Variants in CASZ1 observed in about 807,000 individuals in gnomAD.
The protein encoded by CASZ1 is zinc finger protein castor homolog 1.
CASZ1 carries 28 observed loss-of-function variants against 135.2 expected under a neutral mutation model. The ratio of observed to expected loss-of-function variants is 0.21; its 90% CI spans 0.15 to 0.28. The LOEUF is 0.28. Among genes scored for constraint, CASZ1 ranks in the 10% least tolerant of loss-of-function variants. The pLI is 1.00. For synonymous variants in CASZ1, 1,068 were observed against 1,073.4 expected, an observed-to-expected ratio of 0.99 and a Z score of 0.10; for missense variants, 2,161 against 2,453.3, an observed-to-expected ratio of 0.88 and a Z score of 2.52.
chr1:10,749,899 T>C (rs2100553167), intron 2 of CASZ1, among the ~76,000 whole-genome samples: 1 of 152,276 alleles, frequency 6.6e-6, no homozygotes, highest in Non-Finnish European at 1.5e-5. Context: ...GTTGCTCCAA[T>C]TGGAAGCACA....
chr1:10,689,212 G>T (rs1172395935), intron 4 of CASZ1, among the ~76,000 whole-genome samples: 1 of 152,234 alleles, frequency 6.6e-6, no homozygotes, highest in African/African-American at 2.4e-5. Flanking sequence ...GACCCAGGAA[G>T]AAGAGGAGTT....
intron 1 of CASZ1, among the ~76,000 whole-genome samples, chr1:10,768,530 T>C (rs1640519325): frequency 6.6e-6 from 1 of 152,164 alleles, no homozygotes; most frequent in Non-Finnish European, 1.5e-5. Context: ...TTGTTCATTT[T>C]TACTCCCTCA....
chr1:10,748,701 C>T (rs78384068), intron 2 of CASZ1, among the ~76,000 whole-genome samples: 2 of 152,146 alleles, frequency 1.3e-5, no homozygotes, highest in African/African-American at 4.8e-5. Flanking sequence ...GCTTGCTCCT[C>T]GTCTGGGGTC....
intron 1 of CASZ1, among the ~76,000 whole-genome samples, chr1:10,768,122 G>A (rs6668047): frequency 0.56 from 84,658 of 152,124 alleles, 26,950 homozygotes; most frequent in Non-Finnish European, 0.74. Context: ...GAGGCAGGCC[G>A]CCCTGATCTC....
chr1:10,791,081 C>CA (rs61062042), intron 1 of CASZ1, among the ~76,000 whole-genome samples: 10,747 of 121,072 alleles, frequency 0.089, 1,275 homozygotes, highest in African/African-American at 0.27. Flanking sequence ...CTCTTCCCAT[C>CA]AAAAAAAAAA....
chr1:10,787,809 C>T (rs1570593652), intron 1 of CASZ1, among the ~76,000 whole-genome samples: 2 of 152,156 alleles, frequency 1.3e-5, no homozygotes, highest in African/African-American at 4.8e-5. Flanking sequence ...CAGAATCCAC[C>T]CGCCATTAAC....
rs953252319 is a variant in CASZ1 at position 10,717,971 on chromosome 1, G to A, written c.-76-12427C>T. ...ACCAAAGCGGGTGCAGGGACGGGCC[G>A]AGGGGGCTACGGAGGCCCATTCAAC... On this transcript the variant is annotated intron_variant, in intron 2 of 20. Transcript: ENST00000377022. The surrounding 1 kb of genome is among the most constrained non-coding windows in gnomAD (Gnocchi z 4.6). 1.3e-5 allele frequency among the ~76,000 whole-genome samples: 2 copies of A among 152,382 alleles called. No individual in the cohort carries two copies. The highest frequency in any genetic ancestry group is 2.1e-4 in the South Asian group (1 of 4,830).
At chr1:10,712,967 C>G (rs1454278293) in intron 2 of CASZ1, among the ~76,000 whole-genome samples, 1 of 152,222 alleles carries the variant, frequency 6.6e-6, no homozygotes, top group African/African-American at 2.4e-5. Flanking sequence ...AGCCCCACCT[C>G]GAAGGGAAAG....
Position 10,741,220 on chromosome 1 carries a change from C to T in CASZ1, c.-77+19481G>A, listed in dbSNP as rs970141625. Among the ~76,000 whole-genome samples the T allele has an allele frequency of 1.3e-5, 2 of 152,152 alleles. No individual in the cohort carries two copies. The highest frequency in any genetic ancestry group is 2.9e-5 in the Non-Finnish European group (2 of 68,034). On this transcript the variant is annotated intron_variant, in intron 2 of 20. Transcript: ENST00000377022. This position sits in a 1 kb window ranked among gnomAD's most constrained non-coding sequence, Gnocchi z 5.0. The stretch of plus-strand genomic sequence containing the variant: ...CTGGTCTCCAACTCCTGACCTCAGG[C>T]GATCCACCCACCTCAGCTTCCCAAA...
rs1178431805 is a variant in CASZ1 at position 10,650,928 on chromosome 1, G to C, written c.2816+13C>G. ...GTTCCCGGGGCTGGCTCCCATAGGG[G>C]GCCTCGCCTCACCTGGGCTCCTTCA... On this transcript the variant is annotated intron_variant, in intron 12 of 20. Coordinates refer to ENST00000377022, the MANE Select transcript of CASZ1 (RefSeq NM_001079843.3). 1.9e-6 allele frequency: 3 copies of C among 1,606,342 alleles called. No individual in the cohort carries two copies. Among genetic ancestry groups the C allele is most frequent in the Non-Finnish European group, 2.5e-6 (3 of 1,178,180 alleles).
At position 10,776,160 on chromosome 1, in the gene CASZ1, A is replaced by G. The variant is rs542877767; in HGVS notation, c.-233-15303T>C. 4.6e-5 allele frequency among the ~76,000 whole-genome samples: 7 copies of G among 152,394 alleles called. No individual in the cohort carries two copies. The highest frequency in any genetic ancestry group is 7.3e-5 in the Non-Finnish European group (5 of 68,042). Reference sequence around the variant, plus strand: ...TTGAAATAAATTTTACTATTTTATTAGTGCAAACAAAATGGTAATAAAACA... The same window carrying G: ...TTGAAATAAATTTTACTATTTTATTGGTGCAAACAAAATGGTAATAAAACA... On this transcript the variant is annotated intron_variant, in intron 1 of 20. Coordinates refer to ENST00000377022, the MANE Select transcript of CASZ1 (RefSeq NM_001079843.3). This position sits in a 1 kb window ranked among gnomAD's most constrained non-coding sequence, Gnocchi z 4.1.
Position 10,666,140 on chromosome 1 carries a change from C to T in CASZ1, c.17-569G>A, listed in dbSNP as rs1249068741. On this transcript the variant is annotated intron_variant, in intron 4 of 20. Transcript: ENST00000377022. This position sits in a 1 kb window ranked among gnomAD's most constrained non-coding sequence, Gnocchi z 5.2. ...GTCCCGGCAGCACTTGGCTGGCACC[C>T]TCCCACCCGAGCACGTCAGCCCCTG... 6.6e-6 allele frequency among the ~76,000 whole-genome samples: 1 copy of T among 152,126 alleles called. No homozygotes were observed. Among genetic ancestry groups the T allele is most frequent in the African/African-American group, 2.4e-5 (1 of 41,422 alleles).
intron 4 of CASZ1, among the ~76,000 whole-genome samples, chr1:10,673,554 G>C (rs912608469): frequency 3.9e-5 from 6 of 152,124 alleles, no homozygotes; most frequent in Admixed American, 3.9e-4. Context: ...GACAGCCCCA[G>C]TTCTAACTGG....
chr1:10,645,263 GCTCACGCCTATAATCC>G (rs1453499384), intron 17 of CASZ1, among the ~76,000 whole-genome samples, 175 bp from the exon 18 acceptor site: 11 of 152,230 alleles, frequency 7.2e-5, no homozygotes, highest in Non-Finnish European at 1.6e-4. Context: ...GGGCGCGGTG[GCTCACGCCTATAATCC>G]CAGCGCTTTG....
Position 10,643,232 on chromosome 1 carries a change from C to G in CASZ1, c.3948G>C (p.Gln1316His), listed in dbSNP as rs771812114. 6.2e-7 allele frequency: 1 copy of G among 1,613,080 alleles called. No homozygotes were observed. Residue 1316 changes from glutamine (Q) to histidine (H), a missense_variant, in exon 19 of 21, where the codon CAG (glutamine) becomes CAC (histidine). Coordinates refer to ENST00000377022, the MANE Select transcript of CASZ1 (RefSeq NM_001079843.3). ...GCQFSFLLKH[Q>H]MTSHARKHMR... is the part of the protein sequence containing the mutation. ...TGTGCTTCCGCGCGTGGGAGGTCAT[C>G]TGGTGCTTGAGGAGGAAGGAGAACT...
intron 4 of CASZ1, among the ~76,000 whole-genome samples, chr1:10,669,628 C>T (rs1280447993): frequency 6.6e-6 from 1 of 152,206 alleles, no homozygotes; most frequent in East Asian, 1.9e-4. Flanking sequence ...GATCTCACTG[C>T]TCTCTGGAGG....
chr1:10,675,756 G>A (rs974781115), intron 4 of CASZ1, among the ~76,000 whole-genome samples: 1 of 152,040 alleles, frequency 6.6e-6, no homozygotes, highest in African/African-American at 2.4e-5. Context: ...TATTAAGCAT[G>A]GGTAAGGACT....
chr1:10,732,282 C>T lies in CASZ1; in HGVS notation c.-76-26738G>A, dbSNP rs1639714632. ...AGAGGTTGCAGTGAGCCGAGTGCAA[C>T]TGCACTCCAGCCTGGGTGACAGAGC... On this transcript the variant is annotated intron_variant, in intron 2 of 20. Coordinates refer to ENST00000377022, the MANE Select transcript of CASZ1 (RefSeq NM_001079843.3). Among the ~76,000 whole-genome samples the T allele has an allele frequency of 2.0e-5, 3 of 148,100 alleles. No individual in the cohort carries two copies. The South Asian group carries it at 6.4e-4, about 31-fold the overall frequency.
At position 10,657,516 on chromosome 1, in the gene CASZ1, T is replaced by C. The variant is rs1218616585; in HGVS notation, c.1410-780A>G. Among the ~76,000 whole-genome samples the C allele has an allele frequency of 6.6e-6, 1 of 152,062 alleles. No individual in the cohort carries two copies. The highest frequency in any genetic ancestry group is 1.5e-5 in the Non-Finnish European group (1 of 68,018). ...TGGGAAAACCACGTGCAAACAAATATTTAGGCTGAAGTGGCCAAAAGGGCC... is the reference window on the plus strand; with the variant it reads ...TGGGAAAACCACGTGCAAACAAATACTTAGGCTGAAGTGGCCAAAAGGGCC... On this transcript the variant is annotated intron_variant, in intron 7 of 20. Coordinates refer to ENST00000377022, the MANE Select transcript of CASZ1 (RefSeq NM_001079843.3). The surrounding 1 kb of genome is among the most constrained non-coding windows in gnomAD (Gnocchi z 5.7).
Sources: gnomAD v4.1 joint callset for allele counts (sites outside exome capture counted in the v4.1 genomes callset) on GRCh38, gnomAD v4.1.1 for gene constraint, Gnocchi (gnomAD v3.1) non-coding constraint, MANE v1.5 for transcripts, NCBI Gene and HGNC (gene_info 2026-07-23, HGNC 2026-07-21) for gene names.